IL22RA2: variants seen among roughly 807,000 people sequenced by gnomAD.
IL22RA2 encodes interleukin 22 receptor subunit alpha 2.
IL22RA2 carries 39 observed loss-of-function variants against 30.7 expected under a neutral mutation model. That is an observed-to-expected ratio of 1.27 (90% CI 0.98 to 1.66). IL22RA2 has a LOEUF of 1.66. Among genes scored for constraint, IL22RA2 ranks in the 40% most tolerant of loss-of-function variants. IL22RA2 has a pLI of 0.00. For missense variants in IL22RA2, 315 were observed against 312.7 expected (o/e 1.01, Z -0.05); for synonymous variants, 103 against 105.0 (o/e 0.98, Z 0.11).
At chr6:137,153,114 A>T (rs1582878965) in intron 5 of IL22RA2, among the ~76,000 whole-genome samples, 1 of 152,144 alleles carries the variant, frequency 6.6e-6, no homozygotes, top group South Asian at 2.1e-4. Flanking sequence ...TTATTAGCAG[A>T]CCCCTAACCA....
chr6:137,168,788 T>C (rs904376992), intron 1 of IL22RA2, among the ~76,000 whole-genome samples: 1 of 152,130 alleles, frequency 6.6e-6, no homozygotes, highest in African/African-American at 2.4e-5. Context: ...AGGCAGGAGC[T>C]CTCCTAGGAC....
chr6:137,173,239 G>A (rs1469670114), intron 1 of IL22RA2, among the ~76,000 whole-genome samples, 174 bp downstream of exon 1: 2 of 152,180 alleles, frequency 1.3e-5, no homozygotes, highest in African/African-American at 4.8e-5. Context: ...AGGCGTGACG[G>A]TGTGTGCCTG....
intron 1 of IL22RA2, 136 bp downstream of exon 1, chr6:137,173,277 G>T (rs755670784): frequency 6.6e-6 from 1 of 152,256 alleles, no homozygotes; most frequent in Non-Finnish European, 1.5e-5. Context: ...TGGGGCTGAG[G>T]CAGGAGAATT....
intron 1 of IL22RA2, among the ~76,000 whole-genome samples, chr6:137,167,583 A>G (rs748628537): frequency 1.3e-5 from 2 of 152,166 alleles, no homozygotes; most frequent in African/African-American, 2.4e-5. Flanking sequence ...ATGGAACCCA[A>G]CCACTTTAGG....
intron 3 of IL22RA2, among the ~76,000 whole-genome samples, chr6:137,157,488 T>C: frequency 6.6e-6 from 1 of 152,148 alleles, no homozygotes; most frequent in Non-Finnish European, 1.5e-5. Context: ...CCTTCCGAAA[T>C]TAATTAGCAG....
At chr6:137,166,152 C>G (rs376595265) in intron 1 of IL22RA2, among the ~76,000 whole-genome samples, 1 of 152,246 alleles carries the variant, frequency 6.6e-6, no homozygotes, top group Non-Finnish European at 1.5e-5. Context: ...AGCTTCATAT[C>G]TAAAGGTTTA....
chr6:137,154,293 C>T (rs956854974), intron 5 of IL22RA2, among the ~76,000 whole-genome samples: 2 of 152,076 alleles, frequency 1.3e-5, no homozygotes, highest in African/African-American at 4.8e-5. Flanking sequence ...AAGGACTAGG[C>T]ACTATGACAA....
intron 1 of IL22RA2, among the ~76,000 whole-genome samples, chr6:137,163,337 G>A (rs1225786805): frequency 2.0e-5 from 3 of 152,056 alleles, no homozygotes; most frequent in East Asian, 1.9e-4. Flanking sequence ...AACCTTTTTC[G>A]GTCTCTCCAA....
At chr6:137,163,951 C>G (rs184315224) in intron 1 of IL22RA2, among the ~76,000 whole-genome samples, 1 of 152,218 alleles carries the variant, frequency 6.6e-6, no homozygotes, top group Admixed American at 6.5e-5. Flanking sequence ...GCATACGGCC[C>G]AGAGGACCAG....
In IL22RA2 at chr6:137,144,541, A is replaced by G. The variant is rs1778134563; in HGVS notation, c.*1083T>C. 6.6e-6 allele frequency: 1 copy of G among 152,286 alleles called. No individual in the cohort carries two copies. Among genetic ancestry groups the G allele is most frequent in the Admixed American group, 6.5e-5 (1 of 15,272 alleles). The allele number at this position is 152,286 out of a possible 1,614,324, so 9.4% of individuals were successfully genotyped here. On this transcript the variant is annotated 3_prime_UTR_variant, in exon 7 of 7. Coordinates refer to ENST00000296980, the MANE Select transcript of IL22RA2 (RefSeq NM_052962.3). ...ACCACACTGAGCCTTAGGTCACCAG[A>G]TTTCTACTCAGGAGAGGCAGTGAGC... is the stretch of plus-strand genomic sequence containing the variant.
rs1358749492 is a variant in IL22RA2, at chr6:137,145,625, C to A, written c.791G>T (p.Ter264LeuextTer16). 6.2e-7 allele frequency: 1 copy of A among 1,603,212 alleles called. No homozygotes were observed. Among genetic ancestry groups the A allele is most frequent in the South Asian group, 1.1e-5 (1 of 88,524 alleles). ...RSEERCVEIP[*>L] is the part of the protein sequence containing the mutation. The stretch of plus-strand genomic sequence containing the variant: ...TTGCTGAATGCCAAATTCCACAAGT[C>A]ATGGAATTTCCACACATCTCTCTTC... Residue 264 changes from the stop codon to leucine (L), a stop_lost, in exon 7 of 7, where the codon TGA becomes TTA. Coordinates refer to ENST00000296980, the MANE Select transcript of IL22RA2 (RefSeq NM_052962.3).
chr6:137,166,606 T>C (rs113837410), intron 1 of IL22RA2, among the ~76,000 whole-genome samples: 2,381 of 152,254 alleles, frequency 0.016, 45 homozygotes, highest in African/African-American at 0.052. Context: ...GAGCTTCCTC[T>C]TACAGAACCC....
intron 6 of IL22RA2, among the ~76,000 whole-genome samples, chr6:137,146,384 C>T (rs1208823291): frequency 1.3e-5 from 2 of 152,094 alleles, no homozygotes; most frequent in Admixed American, 6.6e-5. Context: ...GCGAGATGAG[C>T]AGAGATAACT....
intron 3 of IL22RA2, among the ~76,000 whole-genome samples, chr6:137,157,347 C>T (rs9389475): frequency 0.12 from 18,709 of 152,132 alleles, 1,460 homozygotes; most frequent in Non-Finnish European, 0.17. Context: ...AAAGTATCTC[C>T]AGCAATGCAC....
chr6:137,155,142 A>T, intron 4 of IL22RA2, 23 bp from the exon 5 acceptor site: 1 of 1,500,390 alleles, frequency 6.7e-7, no homozygotes, highest in Non-Finnish European at 8.9e-7. Flanking sequence ...AAAGGCAAAG[A>T]TCTGAGTTTC....
intron 1 of IL22RA2, among the ~76,000 whole-genome samples, chr6:137,168,293 T>G (rs1778660764): frequency 6.6e-6 from 1 of 152,176 alleles, no homozygotes; most frequent in African/African-American, 2.4e-5. Flanking sequence ...GCCCCAAATA[T>G]GTTATGACCC....
intron 1 of IL22RA2, among the ~76,000 whole-genome samples, chr6:137,171,434 A>T (rs1444820114): frequency 6.6e-6 from 1 of 152,168 alleles, no homozygotes; most frequent in Non-Finnish European, 1.5e-5. Flanking sequence ...AGAATGTAGG[A>T]GGGGAAGCAG....
At chr6:137,170,077 G>T (rs904044079) in intron 1 of IL22RA2, among the ~76,000 whole-genome samples, 1 of 152,056 alleles carries the variant, frequency 6.6e-6, no homozygotes, top group South Asian at 2.1e-4. Flanking sequence ...ATTTCTAATC[G>T]GAAGCATCCA....
intron 4 of IL22RA2, among the ~76,000 whole-genome samples, chr6:137,155,894 T>TA (rs563689498): frequency 2.5e-4 from 38 of 152,328 alleles, no homozygotes; most frequent in South Asian, 1.7e-3. Flanking sequence ...TCCACATCCT[T>TA]AATGCTCTGT....
Sources: gnomAD v4.1 joint callset for allele counts (sites outside exome capture counted in the v4.1 genomes callset) on GRCh38, gnomAD v4.1.1 for gene constraint, MANE v1.5 for transcripts, NCBI Gene and HGNC (gene_info 2026-07-23, HGNC 2026-07-21) for gene names.